Variants in ALDH2 observed in about 807,000 individuals in gnomAD.
ALDH2 encodes aldehyde dehydrogenase, mitochondrial.
Under a neutral mutation model 59.6 loss-of-function variants are expected in ALDH2, and 44 were observed. The ratio of observed to expected loss-of-function variants is 0.74; its 90% CI spans 0.58 to 0.95. The LOEUF is 0.95. Among genes scored for constraint, ALDH2 ranks in the 40% least tolerant of loss-of-function variants. The pLI is 0.00. For synonymous variants in ALDH2, 291 were observed against 284.0 expected (o/e 1.02, Z -0.25); for missense variants, 570 against 696.3 (o/e 0.82, Z 2.04).
At chr12:111,774,236 C>T (rs1176705603) in intron 1 of ALDH2, among the ~76,000 whole-genome samples, 1 of 152,122 alleles carries the variant, frequency 6.6e-6, no homozygotes, top group Non-Finnish European at 1.5e-5. Flanking sequence ...CCCGAGCAAG[C>T]CTGGGGAGAT....
chr12:111,791,533 C>T lies in ALDH2; in HGVS notation c.795+114C>T, dbSNP rs13306166. The T allele has an allele frequency of 6.9e-4, 542 of 787,286 alleles. 4 individuals carry two copies. The East Asian group carries it at 0.013, about 19-fold the overall frequency. 48.8% of individuals were successfully genotyped at this position (787,286 alleles called of 1,614,324 possible). On this transcript the variant is annotated intron_variant, in intron 7 of 12. Coordinates refer to ENST00000261733, the MANE Select transcript of ALDH2 (RefSeq NM_000690.4). Reference sequence around the variant, plus strand: ...GGTGTCAAGCGGAGGCCTTTTCCTCCAGGACGACCCTGTAGGTACCAGGAG... The same window carrying T: ...GGTGTCAAGCGGAGGCCTTTTCCTCTAGGACGACCCTGTAGGTACCAGGAG...
intron 1 of ALDH2, among the ~76,000 whole-genome samples, chr12:111,768,688 A>T (rs1316606678): frequency 2.0e-5 from 3 of 151,762 alleles, no homozygotes; most frequent in Non-Finnish European, 4.4e-5. Context: ...TCTACTAAAA[A>T]AGTAAATTAG....
chr12:111,769,921 G>A (rs963217269), intron 1 of ALDH2, among the ~76,000 whole-genome samples: 16 of 152,012 alleles, frequency 1.1e-4, no homozygotes, highest in Non-Finnish European at 2.1e-4. Flanking sequence ...TGAAGCAGGC[G>A]GATCACGAGG....
chr12:111,777,819 C>T (rs779310231), intron 1 of ALDH2, among the ~76,000 whole-genome samples: 3 of 152,120 alleles, frequency 2.0e-5, no homozygotes, highest in Non-Finnish European at 2.9e-5. Context: ...CTGGAAATGA[C>T]CCAGCCCTCC....
chr12:111,772,895 T>C (rs912979212), intron 1 of ALDH2, among the ~76,000 whole-genome samples: 23 of 150,440 alleles, frequency 1.5e-4, no homozygotes, highest in African/African-American at 5.1e-4. Flanking sequence ...TGGCAGCTCA[T>C]GCCCTGGCAT....
Position 111,783,265 on chromosome 12 carries a change from C to G in ALDH2, c.327C>G (p.Ala109=), listed in dbSNP as rs751006312. 3.7e-6 allele frequency: 6 copies of G among 1,612,400 alleles called. No homozygotes were observed. Among genetic ancestry groups the G allele is most frequent in the Non-Finnish European group, 5.1e-6 (6 of 1,179,216 alleles). The part of the protein sequence containing the change: ...SHRGRLLNRL[A]DLIERDRTYL... ...GGGGCCGGCTGCTGAACCGCCTGGC[C>G]GATCTGATCGAGCGGGACCGGACCT... The change falls in exon 3 of 13, where the codon GCC becomes GCG. Residue 109 remains alanine, a synonymous_variant. Transcript: ENST00000261733.
chr12:111,772,505 C>T (rs966764868), intron 1 of ALDH2, among the ~76,000 whole-genome samples: 2 of 151,578 alleles, frequency 1.3e-5, no homozygotes, highest in African/African-American at 2.4e-5. Context: ...GCTGGGATTA[C>T]GGGTGCCGCC....
intron 1 of ALDH2, among the ~76,000 whole-genome samples, chr12:111,778,369 AC>A (rs1317241443): frequency 6.6e-6 from 1 of 151,754 alleles, no homozygotes; most frequent in Non-Finnish European, 1.5e-5. Flanking sequence ...ACATGGTGAA[AC>A]CCCGTCTCTA....
At chr12:111,779,338 T>C (rs1423453710) in intron 1 of ALDH2, among the ~76,000 whole-genome samples, 2 of 152,012 alleles carry the variant, frequency 1.3e-5, no homozygotes, top group Admixed American at 6.6e-5. Flanking sequence ...TACAGGCGCA[T>C]GCGACCACAC....
intron 1 of ALDH2, among the ~76,000 whole-genome samples, chr12:111,774,569 C>A (rs2068221834): frequency 6.6e-6 from 1 of 152,172 alleles, no homozygotes; most frequent in East Asian, 1.9e-4. Flanking sequence ...GAACTGAAAT[C>A]TTTCTAGAAT....
chr12:111,799,948 G>A lies in ALDH2; in HGVS notation c.1291G>A (p.Glu431Lys), dbSNP rs144598865. Residue 431 changes from glutamate to lysine, a missense_variant, in exon 11 of 13, where the codon GAG becomes AAG. Transcript: ENST00000261733. ...GCAGATCCTGAAGTTCAAGACCATA[G>A]AGGAGGTTGTTGGGAGAGCCAACAA... ...VMQILKFKTI[E>K]EVVGRANNST... 4.3e-6 allele frequency: 7 copies of A among 1,614,106 alleles called. No individual in the cohort carries two copies. The highest frequency in any genetic ancestry group is 1.1e-5 in the South Asian group (1 of 91,084).
At chr12:111,774,355 T>C (rs2068220862) in intron 1 of ALDH2, among the ~76,000 whole-genome samples, 1 of 152,188 alleles carries the variant, frequency 6.6e-6, no homozygotes, top group Admixed American at 6.5e-5. Flanking sequence ...CTCCCTGGAA[T>C]CTTGTAATAC....
intron 11 of ALDH2, among the ~76,000 whole-genome samples, chr12:111,802,036 C>T (rs1043254373): frequency 6.6e-5 from 10 of 151,882 alleles, no homozygotes; most frequent in South Asian, 2.1e-4. Context: ...AGACGGATCA[C>T]GAGATCAGGA....
chr12:111,805,779 C>T (rs1451564396), intron 12 of ALDH2, among the ~76,000 whole-genome samples: 5 of 152,120 alleles, frequency 3.3e-5, no homozygotes, highest in Non-Finnish European at 7.4e-5. Flanking sequence ...AATCCCAGCA[C>T]TTCTGGAGGC....
At chr12:111,782,575 A>G (rs759743956) in intron 2 of ALDH2, among the ~76,000 whole-genome samples, 2 of 152,152 alleles carry the variant, frequency 1.3e-5, no homozygotes, top group Non-Finnish European at 1.5e-5. Context: ...AAAGAAACAA[A>G]TAAGTAATTT....
intron 9 of ALDH2, 106 bp from the exon 10 acceptor site, chr12:111,797,972 C>A: frequency 1.5e-6 from 2 of 1,366,142 alleles, no homozygotes; most frequent in Non-Finnish European, 2.0e-6. Flanking sequence ...TTCTTATGAC[C>A]TTGGTCCATT....
chr12:111,779,046 G>C (rs1242037156), intron 1 of ALDH2, among the ~76,000 whole-genome samples: 1 of 151,980 alleles, frequency 6.6e-6, no homozygotes, highest in Non-Finnish European at 1.5e-5. Flanking sequence ...TGTGGAGAGA[G>C]GGTCTCACTA....
rs544714733 is a variant in ALDH2 at position 111,791,387 on chromosome 12, G to C, written c.763G>C (p.Val255Leu). ...AGAAIASHED[V>L]DKVAFTGSTE... ...GGCCGCCATTGCCTCCCATGAGGAT[G>C]TGGACAAAGTGGCATTCACAGGCTC... Residue 255 changes from valine to leucine, a missense_variant, in exon 7 of 13, where the codon GTG (valine) becomes CTG (leucine). Coordinates refer to ENST00000261733, the MANE Select transcript of ALDH2 (RefSeq NM_000690.4). 56 of 1,614,058 alleles carry C rather than the reference G, an allele frequency of 3.5e-5. No homozygotes were observed. The South Asian group carries it at 5.8e-4, about 17-fold the overall frequency.
chr12:111,808,423 G>A (rs144328002), intron 12 of ALDH2, among the ~76,000 whole-genome samples: 153 of 152,202 alleles, frequency 1.0e-3, no homozygotes, highest in African/African-American at 3.4e-3. Context: ...TTAAGAAAGC[G>A]GCCAGGCGCG....
Sources: gnomAD v4.1 joint callset for allele counts (sites outside exome capture counted in the v4.1 genomes callset) on GRCh38, gnomAD v4.1.1 for gene constraint, MANE v1.5 for transcripts, NCBI Gene and HGNC (gene_info 2026-07-23, HGNC 2026-07-21) for gene names.